Variants in FREM2 observed in about 807,000 individuals in gnomAD.
FREM2 encodes the protein FRAS1 related extracellular matrix 2, also known as FRAS1-related extracellular matrix protein 2.
A neutral mutation model predicts 219.9 loss-of-function variants in FREM2; 119 were observed. That is an observed-to-expected ratio of 0.54 (90% CI 0.47 to 0.63). FREM2 has a LOEUF of 0.63. Ranked by LOEUF, FREM2 falls within the 30% of genes least tolerant of loss-of-function variation. FREM2 has a pLI of 0.00. For synonymous variants in FREM2, 1,562 were observed against 1,522.8 expected (o/e 1.03, Z -0.60); for missense variants, 4,030 against 3,993.6 (o/e 1.01, Z -0.25).
At chr13:38,851,577 G>A (rs1225176414) in intron 10 of FREM2, 109 bp from the exon 11 acceptor site, 3 of 852,488 alleles carry the variant, frequency 3.5e-6, no homozygotes, top group Non-Finnish European at 5.9e-6. Context: ...GAGAAGCCAG[G>A]AGTGTAATAG....
In FREM2 at chr13:38,885,071, T is replaced by G. The variant is rs1024479621; in HGVS notation, c.*4284T>G. ...TATCCCTTAATGTTGATTTCTCCCCTTTTCCATGGATTTTGATACTAAGAA... is the reference window on the plus strand; with the variant it reads ...TATCCCTTAATGTTGATTTCTCCCCGTTTCCATGGATTTTGATACTAAGAA... On this transcript the variant is annotated 3_prime_UTR_variant, in exon 24 of 24. Coordinates refer to ENST00000280481, the MANE Select transcript of FREM2 (RefSeq NM_207361.6). The G allele has an allele frequency of 2.0e-5, 3 of 152,204 alleles. No individual in the cohort carries two copies. The highest frequency in any genetic ancestry group is 4.4e-5 in the Non-Finnish European group (3 of 68,014). 9.4% of individuals were successfully genotyped at this position (152,204 alleles called of 1,614,324 possible).
Position 38,691,332 on chromosome 13 carries a change from A to G in FREM2, c.3988A>G (p.Thr1330Ala), listed in dbSNP as rs1475155513. 5 of 1,613,916 alleles carry G rather than the reference A, an allele frequency of 3.1e-6. No individual in the cohort carries two copies. Among genetic ancestry groups the G allele is most frequent in the African/African-American group, 1.3e-5 (1 of 74,930 alleles). ...KIINNKILMATDLDSEDKSLV... is the reference protein window; with the variant it reads ...KIINNKILMAADLDSEDKSLV... ...TATCAACAACAAAATATTAATGGCA[A>G]CAGATTTAGATTCAGAAGACAAATC... is the stretch of plus-strand genomic sequence containing the variant. Residue 1330 changes from threonine (T) to alanine (A), a missense_variant, in exon 1 of 24, where the codon ACA (threonine) becomes GCA (alanine). By Grantham distance (58) the Thr-to-Ala change is moderately conservative. Around this residue, in one of 2 missense-constraint regions of FREM2, gnomAD observed 3,102 missense variants for 2,950.7 expected, o/e 1.05. Coordinates refer to ENST00000280481, the MANE Select transcript of FREM2 (RefSeq NM_207361.6).
chr13:38,853,335 A>G (rs999836611), intron 11 of FREM2, among the ~76,000 whole-genome samples: 1 of 151,960 alleles, frequency 6.6e-6, no homozygotes, highest in South Asian at 2.1e-4. Context: ...AAAAAAAAAA[A>G]ACAAATCAGT....
rs1490863071 is a variant in FREM2 at position 38,688,735 on chromosome 13, G to T, written c.1391G>T (p.Gly464Val). Residue 464 changes from glycine (G) to valine (V), a missense_variant, in exon 1 of 24, where the codon GGT (glycine) becomes GTT (valine). Gly to Val is a moderately radical substitution (Grantham distance 109, BLOSUM62 -3). Around this residue, in one of 2 missense-constraint regions of FREM2, gnomAD observed 3,102 missense variants for 2,950.7 expected, o/e 1.05. Coordinates refer to ENST00000280481, the MANE Select transcript of FREM2 (RefSeq NM_207361.6). ...CCCCTCACAGGCCCTGCAGGCAGTGGTCCGCAAAACTTGGTCATCAGCGAT... is the reference window on the plus strand; with the variant it reads ...CCCCTCACAGGCCCTGCAGGCAGTGTTCCGCAAAACTTGGTCATCAGCGAT... ...SRPLTGPAGS[G>V]PQNLVISDED... 1.2e-6 allele frequency: 2 copies of T among 1,613,984 alleles called. No homozygotes were observed. Among genetic ancestry groups the T allele is most frequent in the Admixed American group, 3.3e-5 (2 of 60,020 alleles).
rs1421648798 is a variant in FREM2 at position 38,731,639 on chromosome 13, C to T, written c.5264-32665C>T. On this transcript the variant is annotated intron_variant, in intron 2 of 23. Transcript: ENST00000280481. Reference sequence around the variant, plus strand: ...ATTTTCACAAAAGTAAAACTCTTCACTAATCACAGATCATTATTAGTATTG... The same window carrying T: ...ATTTTCACAAAAGTAAAACTCTTCATTAATCACAGATCATTATTAGTATTG... 2.0e-5 allele frequency among the ~76,000 whole-genome samples: 3 copies of T among 152,180 alleles called. No homozygotes were observed. The East Asian group carries it at 5.8e-4, about 29-fold the overall frequency.
chr13:38,875,875 A>G, intron 18 of FREM2, 147 bp from the exon 19 acceptor site: 1 of 777,436 alleles, frequency 1.3e-6, no homozygotes, highest in Non-Finnish European at 2.2e-6. Context: ...AGAGGAGGAT[A>G]ATTATACTAA....
Position 38,789,369 on chromosome 13 carries a change from TA to T in FREM2, c.6019+4562del. Reference sequence around the variant, plus strand: ...AAATAATACTGTAAATTAATTATATTATCATAAAATTCTTAAAAGTCTCTAT... The same window carrying T: ...AAATAATACTGTAAATTAATTATATTTCATAAAATTCTTAAAAGTCTCTAT... On this transcript the variant is annotated intron_variant, in intron 6 of 23. Coordinates refer to ENST00000280481, the MANE Select transcript of FREM2 (RefSeq NM_207361.6). Among the ~76,000 whole-genome samples, 3 of 152,002 alleles carry T rather than the reference TA, an allele frequency of 2.0e-5. No individual in the cohort carries two copies. The South Asian group carries it at 6.2e-4, about 31-fold the overall frequency.
chr13:38,814,588 T>G (rs141462338), intron 6 of FREM2, among the ~76,000 whole-genome samples: 142 of 152,274 alleles, frequency 9.3e-4, no homozygotes, highest in African/African-American at 3.2e-3. Context: ...CTGTTGGAAC[T>G]ATGCTGAGTC....
intron 6 of FREM2, among the ~76,000 whole-genome samples, chr13:38,805,086 A>G (rs751248441): frequency 5.9e-5 from 9 of 152,142 alleles, no homozygotes; most frequent in Non-Finnish European, 1.2e-4. Flanking sequence ...CAAGCAAAAG[A>G]AAAATAAGAG....
Position 38,752,884 on chromosome 13 carries a change from A to G in FREM2, c.5264-11420A>G, listed in dbSNP as rs1015609184. Among the ~76,000 whole-genome samples the G allele has an allele frequency of 2.6e-5, 4 of 152,286 alleles. 1 individual carries two copies. In the Middle Eastern group the frequency reaches 0.014, roughly 518 times the overall value. On this transcript the variant is annotated intron_variant, in intron 2 of 23. Coordinates refer to ENST00000280481, the MANE Select transcript of FREM2 (RefSeq NM_207361.6). Reference sequence around the variant, plus strand: ...GTGTAGAGAACCACTGCTTTCCTTTAGCTCAGAGTCTCCTTTGGGGTGCGG... The same window carrying G: ...GTGTAGAGAACCACTGCTTTCCTTTGGCTCAGAGTCTCCTTTGGGGTGCGG...
At chr13:38,755,487 A>T (rs1418622598) in intron 2 of FREM2, among the ~76,000 whole-genome samples, 1 of 152,156 alleles carries the variant, frequency 6.6e-6, no homozygotes, top group East Asian at 1.9e-4. Context: ...TTAAATTTCC[A>T]CTTACACTGC....
At chr13:38,738,426 C>T (rs1344133302) in intron 2 of FREM2, among the ~76,000 whole-genome samples, 2 of 151,728 alleles carry the variant, frequency 1.3e-5, no homozygotes, top group Non-Finnish European at 2.9e-5. Context: ...ATTAGCCAGG[C>T]GTGGTGGCAC....
At chr13:38,753,550 T>TA (rs1872863297) in intron 2 of FREM2, among the ~76,000 whole-genome samples, 1 of 152,250 alleles carries the variant, frequency 6.6e-6, no homozygotes, top group Non-Finnish European at 1.5e-5. Flanking sequence ...TAGTTTGTGT[T>TA]CTTATTTAGA....
rs1331504189 is a variant in FREM2 at position 38,851,730 on chromosome 13, C to T, written c.6787C>T (p.Pro2263Ser). The T allele has an allele frequency of 1.2e-6, 2 of 1,613,320 alleles. 1 individual carries two copies. ...AGAAACCAAATTTAGTGTCACTGAA[C>T]CCAAAGAACCTGGAGAGTCGGTGGT... ...FGETKFSVTEPKEPGESVVIR... is the reference protein window; with the variant it reads ...FGETKFSVTESKEPGESVVIR... Residue 2263 changes from proline to serine, a missense_variant, in exon 11 of 24, where the codon CCC becomes TCC. Around this residue, in one of 2 missense-constraint regions of FREM2, gnomAD observed 3,102 missense variants for 2,950.7 expected, o/e 1.05. Transcript: ENST00000280481.
intron 2 of FREM2, among the ~76,000 whole-genome samples, chr13:38,719,087 G>T (rs1871121237): frequency 6.6e-6 from 1 of 152,174 alleles, no homozygotes; most frequent in Admixed American, 6.5e-5. Flanking sequence ...TTAAGTCAGG[G>T]TGTAGTCAGG....
At chr13:38,696,355 A>G (rs1239828310) in intron 1 of FREM2, among the ~76,000 whole-genome samples, 1 of 152,196 alleles carries the variant, frequency 6.6e-6, no homozygotes, top group African/African-American at 2.4e-5. Context: ...TTGTGGCATC[A>G]TTGGTCCATC....
intron 6 of FREM2, among the ~76,000 whole-genome samples, chr13:38,831,612 A>AG (rs1876511685): frequency 5.8e-5 from 1 of 17,370 alleles, no homozygotes; most frequent in African/African-American, 2.5e-4. Flanking sequence ...TTTTAACTTC[A>AG]ATTTTTTTTT....
In FREM2 at chr13:38,687,079, A is replaced by C. The variant is rs971474362; in HGVS notation, c.-266A>C. ...CAGGGTCCGGGGACCTGGAAAGTAG[A>C]AGTGGAGGGATTCAATTCTCCGCGC... On this transcript the variant is annotated 5_prime_UTR_variant, in exon 1 of 24. Transcript: ENST00000280481. 1 of 574,364 alleles carries C rather than the reference A, an allele frequency of 1.7e-6. No individual in the cohort carries two copies. Among genetic ancestry groups the C allele is most frequent in the Non-Finnish European group, 3.1e-6 (1 of 322,704 alleles). 35.6% of individuals were successfully genotyped at this position (574,364 alleles called of 1,614,324 possible).
Position 38,784,807 on chromosome 13 carries a change from T to C in FREM2, c.6018T>C (p.Asp2006=). ...AQVTIVPDKD[D]EPIFYFGDVE... ...TTACAATCGTTCCTGACAAAGATGATGGTGAGTACTAATTTACTTGAAAAT... is the reference window on the plus strand; with the variant it reads ...TTACAATCGTTCCTGACAAAGATGACGGTGAGTACTAATTTACTTGAAAAT... The change falls in exon 6 of 24, where the codon GAT becomes GAC. Residue 2006 remains aspartate, a splice_region_variant and synonymous_variant. Transcript: ENST00000280481. The C allele has an allele frequency of 6.2e-7, 1 of 1,614,076 alleles. No individual in the cohort carries two copies. The highest frequency in any genetic ancestry group is 8.5e-7 in the Non-Finnish European group (1 of 1,179,996).
Sources: gnomAD v4.1 joint callset for allele counts (sites outside exome capture counted in the v4.1 genomes callset) on GRCh38, gnomAD v4.1.1 for gene constraint, gnomAD v4.1.1 regional missense constraint, MANE v1.5 for transcripts, NCBI Gene and HGNC (gene_info 2026-07-23, HGNC 2026-07-21) for gene names.